SPAG16: variants seen among roughly 807,000 people sequenced by gnomAD.
SPAG16 encodes sperm associated antigen 16.
In SPAG16, 86 loss-of-function variants were observed where a neutral mutation model predicts 80.4. That is an observed-to-expected ratio of 1.07 (90% CI 0.90 to 1.28). SPAG16 has a LOEUF of 1.28. Ranked by LOEUF, SPAG16 falls within the 50% of genes most tolerant of loss-of-function variation. SPAG16 has a pLI of 0.00. For synonymous variants in SPAG16, 294 were observed against 265.9 expected (o/e 1.11, Z -1.03); for missense variants, 870 against 765.3 (o/e 1.14, Z -1.61).
intron 15 of SPAG16, among the ~76,000 whole-genome samples, chr2:214,242,425 A>G (rs1228323668): frequency 6.6e-6 from 1 of 152,188 alleles, no homozygotes; most frequent in Non-Finnish European, 1.5e-5. Context: ...CACCCGTGTC[A>G]AAGAAAGGAA....
At position 213,438,441 on chromosome 2, in the gene SPAG16, A is replaced by G. The variant is rs115176744; in HGVS notation, c.943-51522A>G. Among the ~76,000 whole-genome samples the G allele has an allele frequency of 8.2e-3, 1,256 of 152,346 alleles. 18 individuals carry two copies. Among genetic ancestry groups the G allele is most frequent in the African/African-American group, 0.029 (1,192 of 41,572 alleles). ...AGGGCCCACTGCTTATTTTTATATA[A>G]CAAGTTTTATTTGAACATAGATATA... On this transcript the variant is annotated intron_variant, in intron 9 of 15. Coordinates refer to ENST00000331683, the MANE Select transcript of SPAG16 (RefSeq NM_024532.5).
At chr2:213,385,173 C>G (rs999225819) in intron 9 of SPAG16, among the ~76,000 whole-genome samples, 1 of 152,108 alleles carries the variant, frequency 6.6e-6, no homozygotes, top group Non-Finnish European at 1.5e-5. Flanking sequence ...GATTTTTGGC[C>G]TTTTATGGTG....
At chr2:213,573,028 G>C (rs1389043614) in intron 10 of SPAG16, among the ~76,000 whole-genome samples, 1 of 152,116 alleles carries the variant, frequency 6.6e-6, no homozygotes, top group African/African-American at 2.4e-5. Flanking sequence ...CCCTTTCTTT[G>C]ACTCGGAAAG....
intron 15 of SPAG16, among the ~76,000 whole-genome samples, chr2:214,195,765 A>G (rs956171917): frequency 1.5e-4 from 23 of 151,866 alleles, no homozygotes; most frequent in African/African-American, 5.6e-4. Flanking sequence ...TGAGATTCCT[A>G]TGAGAATCAG....
At chr2:213,468,105 C>T (rs953488599) in intron 9 of SPAG16, among the ~76,000 whole-genome samples, 9 of 152,068 alleles carry the variant, frequency 5.9e-5, no homozygotes, top group Non-Finnish European at 1.5e-5. Context: ...GCCTCCTAAA[C>T]TTACTCTTTA....
intron 15 of SPAG16, among the ~76,000 whole-genome samples, chr2:214,216,600 G>A (rs1576517755): frequency 1.3e-5 from 2 of 152,208 alleles, no homozygotes; most frequent in Non-Finnish European, 2.9e-5. Flanking sequence ...GATTACAGGC[G>A]TGAGCCACTG....
At chr2:213,644,704 C>CTCTT (rs2062754126) in intron 10 of SPAG16, among the ~76,000 whole-genome samples, 1 of 152,186 alleles carries the variant, frequency 6.6e-6, no homozygotes, top group Admixed American at 6.5e-5. Flanking sequence ...GTCTCTTTCT[C>CTCTT]TCTTTCTCTC....
chr2:214,000,232 G>A (rs2046729164), intron 12 of SPAG16, among the ~76,000 whole-genome samples: 1 of 152,128 alleles, frequency 6.6e-6, no homozygotes, highest in Non-Finnish European at 1.5e-5. Flanking sequence ...GAGATCATTT[G>A]AATTATCAGA....
intron 10 of SPAG16, among the ~76,000 whole-genome samples, chr2:213,612,584 A>G (rs558919378): frequency 6.6e-6 from 1 of 152,382 alleles, no homozygotes; most frequent in South Asian, 2.1e-4. Flanking sequence ...TTCAAAAATC[A>G]TAAAATCAAC....
intron 11 of SPAG16, among the ~76,000 whole-genome samples, chr2:213,910,488 C>CTTT (rs746294933): frequency 8.5e-5 from 7 of 82,352 alleles, no homozygotes; most frequent in East Asian, 3.1e-4. Context: ...TGTAAGAATT[C>CTTT]TTTTTTTTTT....
intron 10 of SPAG16, among the ~76,000 whole-genome samples, chr2:213,732,784 G>A (rs970537648): frequency 2.6e-5 from 4 of 152,100 alleles, no homozygotes; most frequent in African/African-American, 7.2e-5. Context: ...TTGAAGATAA[G>A]CACTTAGGTT....
At chr2:213,760,354 T>C (rs2068588223) in intron 10 of SPAG16, among the ~76,000 whole-genome samples, 3 of 151,868 alleles carry the variant, frequency 2.0e-5, no homozygotes, top group Admixed American at 1.3e-4. Context: ...TAATAAAAGG[T>C]TTAATACAGT....
intron 15 of SPAG16, among the ~76,000 whole-genome samples, chr2:214,222,142 G>A (rs1405688815): frequency 8.3e-6 from 1 of 121,146 alleles, no homozygotes; most frequent in Admixed American, 1.0e-4. Flanking sequence ...TTGAAACAGA[G>A]TTTCGCTCGT....
chr2:214,342,678 C>T (rs1033631647), intron 15 of SPAG16, among the ~76,000 whole-genome samples: 2 of 152,036 alleles, frequency 1.3e-5, no homozygotes, highest in Non-Finnish European at 2.9e-5. Flanking sequence ...ATGTAATGTG[C>T]TTGAATCATC....
chr2:213,385,720 G>T lies in SPAG16; in HGVS notation c.942+10601G>T, dbSNP rs184444910. On this transcript the variant is annotated intron_variant, in intron 9 of 15. Transcript: ENST00000331683. ...AGGGAGAAGCAGGCCATTTTTGCAG[G>T]GCCAGAGAGTTCAGGGAAATATGAA... Among the ~76,000 whole-genome samples, 8 of 151,740 alleles carry T rather than the reference G, an allele frequency of 5.3e-5. No individual in the cohort carries two copies. In the East Asian group the frequency reaches 1.4e-3, roughly 26 times the overall value.
intron 9 of SPAG16, among the ~76,000 whole-genome samples, chr2:213,403,218 A>G (rs2068422185): frequency 6.6e-6 from 1 of 152,180 alleles, no homozygotes. Flanking sequence ...GGCTGCATAA[A>G]TGTCTTCTTT....
In SPAG16 at chr2:214,397,158, C is replaced by CTT. The variant is rs66580402; in HGVS notation, c.1721-12967_1721-12966dup. Among the ~76,000 whole-genome samples, 641 of 129,902 alleles carry CTT rather than the reference C, an allele frequency of 4.9e-3. 17 individuals carry two copies. The highest frequency in any genetic ancestry group is 0.019 in the Admixed American group (234 of 12,106). 85.2% of individuals were successfully genotyped at this position (129,902 alleles called of 152,430 possible). On this transcript the variant is annotated intron_variant, in intron 15 of 15. Transcript: ENST00000331683. The stretch of plus-strand genomic sequence containing the variant: ...GAATTTATATAAATTTTTTAATTTT[C>CTT]TTTTTTTTTTTTTTTTGAGATGGAG...
chr2:214,329,730 C>T (rs1201894649), intron 15 of SPAG16, among the ~76,000 whole-genome samples: 1 of 152,126 alleles, frequency 6.6e-6, no homozygotes, highest in East Asian at 1.9e-4. Context: ...GAAGCCCTAC[C>T]TTCAGGATTT....
rs75560043 is a variant in SPAG16, at chr2:214,303,534, T to G, written c.1721-106606T>G. ...TCTTAATAGGTAATGTGATGCTTCT[T>G]TCTAGCTGCTTTTAAGATTTTTTCT... On this transcript the variant is annotated intron_variant, in intron 15 of 15. Transcript: ENST00000331683. 6.3e-3 allele frequency among the ~76,000 whole-genome samples: 963 copies of G among 152,282 alleles called. 6 individuals are homozygous for G. Among genetic ancestry groups the G allele is most frequent in the African/African-American group, 0.022 (903 of 41,554 alleles).
Sources: allele counts gnomAD v4.1 joint callset (sites outside exome capture counted in the v4.1 genomes callset), GRCh38; gene constraint gnomAD v4.1.1; transcripts MANE v1.5; gene names NCBI Gene and HGNC (gene_info 2026-07-23, HGNC 2026-07-21).